Variants in CDKAL1 observed in about 807,000 individuals in gnomAD.
CDKAL1 encodes threonylcarbamoyladenosine tRNA methylthiotransferase.
Under a neutral mutation model 68.2 loss-of-function variants are expected in CDKAL1, and 32 were observed. That is an observed-to-expected ratio of 0.47 (90% CI 0.35 to 0.63). CDKAL1 has a LOEUF of 0.63. Among genes scored for constraint, CDKAL1 ranks in the 30% least tolerant of loss-of-function variants. CDKAL1 has a pLI of 0.00. For missense variants in CDKAL1, 606 were observed against 696.7 expected (o/e 0.87, Z 1.47); for synonymous variants, 234 against 244.3 (o/e 0.96, Z 0.39).
intron 10 of CDKAL1, among the ~76,000 whole-genome samples, chr6:20,980,192 G>GAT (rs149713540): frequency 2.0e-5 from 3 of 149,088 alleles, no homozygotes; most frequent in Non-Finnish European, 3.0e-5. Flanking sequence ...TCCAAAGATA[G>GAT]ATAGATATAG....
chr6:21,025,158 A>C (rs1456010420), intron 11 of CDKAL1, among the ~76,000 whole-genome samples: 2 of 152,160 alleles, frequency 1.3e-5, no homozygotes, highest in Non-Finnish European at 2.9e-5. Flanking sequence ...AATCATTTTA[A>C]ATTTTGCTCT....
At chr6:20,604,336 C>T (rs1029380567) in intron 4 of CDKAL1, among the ~76,000 whole-genome samples, 1 of 152,102 alleles carries the variant, frequency 6.6e-6, no homozygotes, top group African/African-American at 2.4e-5. Flanking sequence ...ACTGCAGAGT[C>T]CAACATTGAG....
At chr6:20,756,353 A>G (rs1386524118) in intron 6 of CDKAL1, among the ~76,000 whole-genome samples, 6 of 152,170 alleles carry the variant, frequency 3.9e-5, no homozygotes, top group Non-Finnish European at 8.8e-5. Flanking sequence ...TTTCTTACGT[A>G]TAATTCATTA....
In CDKAL1 at chr6:21,077,433, A is replaced by T. The variant is rs570783580; in HGVS notation, c.1236+12205A>T. Among the ~76,000 whole-genome samples the T allele has an allele frequency of 2.4e-4, 36 of 152,340 alleles. 2 individuals are homozygous for T. The highest frequency in any genetic ancestry group is 8.7e-4 in the African/African-American group (36 of 41,582). Reference sequence around the variant, plus strand: ...GTTACCTTGCATGGTGTATTAGTTCATTCTTGCACTGCTATAAAGAACTAC... The same window carrying T: ...GTTACCTTGCATGGTGTATTAGTTCTTTCTTGCACTGCTATAAAGAACTAC... On this transcript the variant is annotated intron_variant, in intron 12 of 15. Coordinates refer to ENST00000274695, the MANE Select transcript of CDKAL1 (RefSeq NM_017774.3).
At chr6:20,970,370 T>C (rs1020023608) in intron 10 of CDKAL1, among the ~76,000 whole-genome samples, 3 of 152,184 alleles carry the variant, frequency 2.0e-5, no homozygotes, top group African/African-American at 7.2e-5. Flanking sequence ...ACCACCCAGA[T>C]TGCTGCAAAC....
At chr6:20,694,074 G>A (rs1280384533) in intron 5 of CDKAL1, among the ~76,000 whole-genome samples, 2 of 151,626 alleles carry the variant, frequency 1.3e-5, no homozygotes, top group Admixed American at 1.3e-4. Flanking sequence ...GTGTGTGTGT[G>A]TGTGTGTGTG....
At position 20,781,050 on chromosome 6, in the gene CDKAL1, C is replaced by T. The variant is rs554103377; in HGVS notation, c.518-95C>T. On this transcript the variant is annotated intron_variant, in intron 7 of 15. Transcript: ENST00000274695. The stretch of plus-strand genomic sequence containing the variant: ...TCTTCTATGTTGTTTCCCCTGCTCC[C>T]GAAAAGAAGTTAAATGAACACATTT... 496 of 1,256,686 alleles carry T rather than the reference C, an allele frequency of 3.9e-4. 1 individual carries two copies. Among genetic ancestry groups the T allele is most frequent in the Non-Finnish European group, 5.2e-4 (466 of 903,084 alleles). The allele number at this position is 1,256,686 out of a possible 1,614,324, so 77.8% of individuals were successfully genotyped here.
intron 9 of CDKAL1, among the ~76,000 whole-genome samples, chr6:20,931,531 A>G (rs1169803496): frequency 1.3e-5 from 2 of 152,208 alleles, no homozygotes; most frequent in East Asian, 3.8e-4. Context: ...TTAAAGCGCA[A>G]TTAAGTTCTT....
intron 10 of CDKAL1, among the ~76,000 whole-genome samples, chr6:20,978,915 C>G (rs1765972982): frequency 6.6e-6 from 1 of 152,112 alleles, no homozygotes. Context: ...ACTGATTTGC[C>G]TCATTATGTG....
At chr6:20,777,777 A>G (rs1183861949) in intron 7 of CDKAL1, among the ~76,000 whole-genome samples, 1 of 152,228 alleles carries the variant, frequency 6.6e-6, no homozygotes, top group Non-Finnish European at 1.5e-5. Context: ...TGTATGTACC[A>G]TGTTTTTTCC....
intron 6 of CDKAL1, among the ~76,000 whole-genome samples, chr6:20,748,171 A>G (rs1773742449): frequency 6.6e-6 from 1 of 152,182 alleles, no homozygotes. Flanking sequence ...TTGGAGACAT[A>G]ACACTTTGTG....
rs759211703 is a variant in CDKAL1, at chr6:21,198,119, A to G, written c.1383+15A>G. On this transcript the variant is annotated intron_variant, in intron 14 of 15. Transcript: ENST00000274695. ...TCTATGAGCAGGTAAGAGGCACTTCAGTATTCTTGAGTTTTCTCCAAAGTG... is the reference window on the plus strand; with the variant it reads ...TCTATGAGCAGGTAAGAGGCACTTCGGTATTCTTGAGTTTTCTCCAAAGTG... 1.3e-6 allele frequency: 2 copies of G among 1,516,790 alleles called. No homozygotes were observed. The highest frequency in any genetic ancestry group is 1.2e-5 in the South Asian group (1 of 80,338). The allele number at this position is 1,516,790 out of a possible 1,614,324, so 94.0% of individuals were successfully genotyped here. A position where few individuals can be genotyped will look rare whatever the true frequency, so the allele number is the denominator to read the frequency against.
intron 12 of CDKAL1, among the ~76,000 whole-genome samples, chr6:21,081,675 A>G (rs10456237): frequency 0.13 from 19,060 of 150,498 alleles, 1,505 homozygotes; most frequent in Non-Finnish European, 0.18. Context: ...AGGTTCAAGC[A>G]ATTCTCCTGC....
chr6:21,085,278 A>T (rs1327340072), intron 12 of CDKAL1, among the ~76,000 whole-genome samples: 3 of 152,234 alleles, frequency 2.0e-5, no homozygotes, highest in Admixed American at 2.0e-4. Flanking sequence ...AATCATAGTC[A>T]AAACTGTAGT....
At chr6:20,987,299 C>A (rs1013373918) in intron 10 of CDKAL1, among the ~76,000 whole-genome samples, 31 of 150,124 alleles carry the variant, frequency 2.1e-4, no homozygotes, top group African/African-American at 7.6e-4. Context: ...GACTGTGTCA[C>A]CCAGGCTGGA....
intron 15 of CDKAL1, among the ~76,000 whole-genome samples, chr6:21,210,631 T>A (rs1480940604): frequency 2.0e-5 from 3 of 152,216 alleles, no homozygotes; most frequent in Non-Finnish European, 2.9e-5. Context: ...TATGTACATA[T>A]GAAACAAAAT....
At chr6:20,807,159 G>A (rs1458206808) in intron 8 of CDKAL1, among the ~76,000 whole-genome samples, 1 of 152,084 alleles carries the variant, frequency 6.6e-6, no homozygotes, top group East Asian at 1.9e-4. Flanking sequence ...CAGCAGTTTG[G>A]TGGTTTAGTA....
intron 15 of CDKAL1, among the ~76,000 whole-genome samples, chr6:21,205,722 G>T (rs1353889702): frequency 2.6e-5 from 4 of 150,986 alleles, no homozygotes; most frequent in Admixed American, 6.6e-5. Context: ...TAGTAGAGAC[G>T]GGGTTTCACT....
At chr6:20,999,617 A>G (rs1279107777) in intron 10 of CDKAL1, among the ~76,000 whole-genome samples, 4 of 145,484 alleles carry the variant, frequency 2.7e-5, no homozygotes, top group African/African-American at 1.0e-4. Context: ...CTGTCGGGTC[A>G]TGTGCCTTTT....
Sources: allele counts gnomAD v4.1 joint callset (sites outside exome capture counted in the v4.1 genomes callset), GRCh38; gene constraint gnomAD v4.1.1; transcripts MANE v1.5; gene names NCBI Gene and HGNC (gene_info 2026-07-23, HGNC 2026-07-21).